The following ODAD2 variants were observed in gnomAD, a reference collection of about 807,000 sequenced individuals.
ODAD2 encodes the protein outer dynein arm docking complex subunit 2.
In ODAD2, 89 loss-of-function variants were observed where a neutral mutation model predicts 106.8. That is an observed-to-expected ratio of 0.83 (90% CI 0.70 to 0.99). The LOEUF (loss-of-function observed/expected upper bound fraction) is 0.99, where lower values mean the gene tolerates loss of function less well. ODAD2 is among the 50% of genes least tolerant of loss of function. The pLI, the probability that ODAD2 is intolerant of heterozygous loss-of-function variation, is 0.00. For synonymous variants in ODAD2, 404 were observed against 436.2 expected (o/e 0.93, Z 0.92); for missense variants, 1,168 against 1,238.5 (o/e 0.94, Z 0.85).
At chr10:27,841,974 C>T (rs982822272) in intron 19 of ODAD2, among the ~76,000 whole-genome samples, 1 of 152,084 alleles carries the variant, frequency 6.6e-6, no homozygotes, top group African/African-American at 2.4e-5. Flanking sequence ...CCAGGCTAGT[C>T]CTCAGAAATT....
chr10:27,931,356 G>A (rs1845606420), intron 16 of ODAD2, among the ~76,000 whole-genome samples: 1 of 151,948 alleles, frequency 6.6e-6, no homozygotes, highest in Admixed American at 6.6e-5. Context: ...TCTTTTTGTA[G>A]GTTTCATGCC....
At chr10:27,832,861 C>G (rs1273724646) in intron 19 of ODAD2, among the ~76,000 whole-genome samples, 1 of 152,028 alleles carries the variant, frequency 6.6e-6, no homozygotes, top group Non-Finnish European at 1.5e-5. Context: ...TTTACTGTGA[C>G]CTAAGCAGCT....
At chr10:27,970,491 A>G (rs1305519593) in intron 8 of ODAD2, among the ~76,000 whole-genome samples, 2 of 152,256 alleles carry the variant, frequency 1.3e-5, no homozygotes, top group African/African-American at 4.8e-5. Context: ...TTTTCTGCAT[A>G]TTACTTGTCC....
At chr10:27,930,947 G>A (rs975291188) in intron 16 of ODAD2, among the ~76,000 whole-genome samples, 3 of 152,080 alleles carry the variant, frequency 2.0e-5, no homozygotes, top group Non-Finnish European at 2.9e-5. Context: ...TTTTCACTCC[G>A]AAATGTCTAC....
chr10:27,822,693 T>A (rs1361962197), intron 19 of ODAD2, among the ~76,000 whole-genome samples: 2 of 152,184 alleles, frequency 1.3e-5, no homozygotes, highest in African/African-American at 4.8e-5. Context: ...CAAAACATAT[T>A]TAACATTTGC....
At chr10:27,929,841 C>G (rs1845492331) in intron 16 of ODAD2, among the ~76,000 whole-genome samples, 1 of 152,054 alleles carries the variant, frequency 6.6e-6, no homozygotes, top group Non-Finnish European at 1.5e-5. Flanking sequence ...TTCTGAAATG[C>G]AAGTAATTTT....
At chr10:27,989,496 A>G (rs1564582705) in intron 2 of ODAD2, among the ~76,000 whole-genome samples, 1 of 152,246 alleles carries the variant, frequency 6.6e-6, no homozygotes, top group African/African-American at 2.4e-5. Context: ...AAGGTTACTC[A>G]CATCAAGGGC....
chr10:27,861,746 T>C (rs1840060616), intron 18 of ODAD2, among the ~76,000 whole-genome samples: 1 of 152,238 alleles, frequency 6.6e-6, no homozygotes, highest in Non-Finnish European at 1.5e-5. Context: ...ATACTATTAC[T>C]GAATCGGATG....
intron 17 of ODAD2, among the ~76,000 whole-genome samples, chr10:27,873,398 C>T (rs549793254): frequency 0.011 from 1,390 of 127,406 alleles, 11 homozygotes; most frequent in Middle Eastern, 0.036. Flanking sequence ...CTTCTGCTAG[C>T]TTTTGAATGT....
At chr10:27,834,637 G>T (rs1005455121) in intron 19 of ODAD2, among the ~76,000 whole-genome samples, 10 of 152,206 alleles carry the variant, frequency 6.6e-5, no homozygotes, top group Admixed American at 1.3e-4. Flanking sequence ...GGGGCAGATC[G>T]TGAAAGGGCT....
chr10:27,989,714 T>C (rs964302857), intron 2 of ODAD2, among the ~76,000 whole-genome samples: 1 of 152,126 alleles, frequency 6.6e-6, no homozygotes, highest in African/African-American at 2.4e-5. Context: ...CCAGGCATGG[T>C]GGCACGTGCT....
intron 17 of ODAD2, among the ~76,000 whole-genome samples, chr10:27,890,931 G>C (rs1175959204): frequency 6.6e-6 from 1 of 152,030 alleles, no homozygotes; most frequent in Non-Finnish European, 1.5e-5. Flanking sequence ...ACATTTTAAA[G>C]ACGTTTTGGA....
intron 10 of ODAD2, among the ~76,000 whole-genome samples, chr10:27,956,200 A>T (rs768546750): frequency 6.6e-6 from 1 of 152,126 alleles, no homozygotes; most frequent in Non-Finnish European, 1.5e-5. Context: ...ATGTAACCCC[A>T]TTGTCACTGT....
At chr10:27,994,511 C>T (rs1850431453) in intron 2 of ODAD2, among the ~76,000 whole-genome samples, 1 of 152,018 alleles carries the variant, frequency 6.6e-6, no homozygotes, top group South Asian at 2.1e-4. Flanking sequence ...AGGAGGATCA[C>T]TTGAGGCCAG....
chr10:27,898,758 A>G (rs142960463), intron 17 of ODAD2, among the ~76,000 whole-genome samples: 215 of 152,296 alleles, frequency 1.4e-3, no homozygotes, highest in African/African-American at 4.8e-3. Flanking sequence ...GATATTGACG[A>G]ATACATTGCC....
chr10:27,825,329 C>A (rs867128667), intron 19 of ODAD2, among the ~76,000 whole-genome samples: 1 of 152,028 alleles, frequency 6.6e-6, no homozygotes, highest in Admixed American at 6.6e-5. Context: ...TGCAGCCTAG[C>A]GAAAACAAAA....
At chr10:27,891,967 C>T (rs7090390) in intron 17 of ODAD2, among the ~76,000 whole-genome samples, 100,948 of 151,938 alleles carry the variant, frequency 0.66, 33,843 homozygotes, top group Middle Eastern at 0.74. Context: ...AATATATGGA[C>T]TTTTACCAGA....
intron 17 of ODAD2, among the ~76,000 whole-genome samples, chr10:27,890,010 T>C (rs1218603550): frequency 6.6e-6 from 1 of 152,082 alleles, no homozygotes; most frequent in Non-Finnish European, 1.5e-5. Context: ...ATGCAATATA[T>C]CCATGGAACA....
chr10:27,877,720 G>A (rs114787195), intron 17 of ODAD2, among the ~76,000 whole-genome samples: 2,897 of 152,160 alleles, frequency 0.019, 99 homozygotes, highest in African/African-American at 0.066. Context: ...AAACCTAGTC[G>A]TTGCCAGTTT....
Sources: gnomAD v4.1 joint callset for allele counts (sites outside exome capture counted in the v4.1 genomes callset) on GRCh38, gnomAD v4.1.1 for gene constraint, MANE v1.5 for transcripts, NCBI Gene and HGNC (gene_info 2026-07-23, HGNC 2026-07-21) for gene names.